The following NEU3 variants were observed in gnomAD, a reference collection of about 807,000 sequenced individuals.
NEU3 encodes the protein sialidase-3.
In NEU3, 10 loss-of-function variants were observed where a neutral mutation model predicts 11.4. That is an observed-to-expected ratio of 0.88 (90% CI 0.54 to 1.49). The LOEUF (loss-of-function observed/expected upper bound fraction) is 1.49. Among genes scored for constraint, NEU3 ranks in the 40% most tolerant of loss-of-function variants. The pLI, the probability that NEU3 is intolerant of heterozygous loss-of-function variation, is 0.00. For synonymous variants in NEU3, 212 were observed against 228.2 expected (o/e 0.93, Z 0.64); for missense variants, 529 against 581.8 (o/e 0.91, Z 0.93).
the NEU3 span, among the ~76,000 whole-genome samples, chr11:74,982,894 C>T: frequency 6.6e-6 from 1 of 152,088 alleles, no homozygotes; most frequent in Non-Finnish European, 1.5e-5. Context: ...CTTCCACCTC[C>T]TCCTTCCACC....
downstream of NEU3, among the ~76,000 whole-genome samples, chr11:75,019,597 C>G (rs554834879): frequency 3.2e-4 from 49 of 152,358 alleles, no homozygotes; most frequent in African/African-American, 1.2e-3. Flanking sequence ...AATGTGTGCA[C>G]AATGCATATG....
downstream of NEU3, among the ~76,000 whole-genome samples, chr11:75,019,934 C>T (rs907564911): frequency 3.9e-5 from 6 of 152,180 alleles, no homozygotes; most frequent in Non-Finnish European, 7.3e-5. Flanking sequence ...AGACACTCAA[C>T]GTCAGCTTGT....
At chr11:75,003,218 C>T (rs948525823) in intron 2 of NEU3, among the ~76,000 whole-genome samples, 1 of 152,158 alleles carries the variant, frequency 6.6e-6, no homozygotes, top group Admixed American at 6.5e-5. Context: ...GGTTCCATCT[C>T]AAATTACATG....
At chr11:74,990,570 G>C (rs1320132555) in intron 1 of NEU3, among the ~76,000 whole-genome samples, 1 of 152,110 alleles carries the variant, frequency 6.6e-6, no homozygotes, top group Non-Finnish European at 1.5e-5. Context: ...ATGTTGGCCA[G>C]GGTGGTCTCG....
At position 75,005,836 on chromosome 11, in the gene NEU3, A is replaced by C; in HGVS notation, c.730A>C (p.Thr244Pro). Residue 244 changes from threonine to proline, a missense_variant, in exon 3 of 3, where the codon ACA becomes CCA. Transcript: ENST00000294064. Reference sequence around the variant, plus strand: ...GATCTACAGTGATGACCTAGGGGTCACATGGCACCATGGTAGACTCATTAG... The same window carrying C: ...GATCTACAGTGATGACCTAGGGGTCCCATGGCACCATGGTAGACTCATTAG... ...LMIYSDDLGV[T>P]WHHGRLIRPM... The C allele has an allele frequency of 6.2e-7, 1 of 1,614,028 alleles. No homozygotes were observed. Among genetic ancestry groups the C allele is most frequent in the Non-Finnish European group, 8.5e-7 (1 of 1,179,886 alleles).
At chr11:75,014,542 A>C (rs979545079), downstream of NEU3, among the ~76,000 whole-genome samples, 12 of 152,224 alleles carry the variant, frequency 7.9e-5, no homozygotes, top group African/African-American at 2.9e-4. Context: ...TGAGCCCTGG[A>C]AAGATTGAGT....
At chr11:74,984,569 T>TAC (rs1463408554), upstream of NEU3, among the ~76,000 whole-genome samples, 2 of 152,190 alleles carry the variant, frequency 1.3e-5, no homozygotes, top group African/African-American at 4.8e-5. Context: ...GCCCCACTCC[T>TAC]ACTTCTGCCT....
At chr11:74,998,568 C>A (rs1243906383) in intron 2 of NEU3, among the ~76,000 whole-genome samples, 1 of 152,114 alleles carries the variant, frequency 6.6e-6, no homozygotes, top group Non-Finnish European at 1.5e-5. Flanking sequence ...CCTAACCTAC[C>A]CTGCTTTTTT....
intron 3 of NEU3, among the ~76,000 whole-genome samples, chr11:75,017,004 G>A (rs999614263): frequency 5.9e-5 from 9 of 152,212 alleles, no homozygotes; most frequent in Admixed American, 1.3e-4. Context: ...AAAGTGGAGA[G>A]TGAGGCTCCC....
In NEU3 at chr11:75,006,173, C is replaced by T. The variant is rs1213762134; in HGVS notation, c.1067C>T (p.Thr356Ile). Residue 356 changes from threonine (T) to isoleucine (I), a missense_variant, in exon 3 of 3, where the codon ACA becomes ATA. Transcript: ENST00000294064. The stretch of plus-strand genomic sequence containing the variant: ...CTGAGGCTGGAGGAGGAAGCTGGAA[C>T]ACCGTCAGAATCATGGCTCTTGTAC... ...SSLRLEEEAG[T>I]PSESWLLYSH... 1.2e-6 allele frequency: 2 copies of T among 1,614,036 alleles called. No homozygotes were observed. Among genetic ancestry groups the T allele is most frequent in the Non-Finnish European group, 1.7e-6 (2 of 1,179,892 alleles).
At chr11:75,017,705 G>A (rs1029391121) in intron 3 of NEU3, among the ~76,000 whole-genome samples, 1 of 152,124 alleles carries the variant, frequency 6.6e-6, no homozygotes, top group African/African-American at 2.4e-5. Context: ...CTGGGCCTGT[G>A]AGCCAGGCTG....
intron 1 of NEU3, among the ~76,000 whole-genome samples, chr11:74,992,012 A>G (rs1002043528): frequency 2.5e-4 from 38 of 152,242 alleles, no homozygotes; most frequent in Admixed American, 1.7e-3. Context: ...AGTGGTGTGG[A>G]GAATAGAACA....
chr11:74,990,060 G>A, intron 1 of NEU3: 1 of 700,688 alleles, frequency 1.4e-6, no homozygotes, highest in Non-Finnish European at 2.6e-6. Flanking sequence ...AAAAATTAAT[G>A]GCTCTAATTG....
At chr11:75,016,199 A>C (rs1253753696) in intron 3 of NEU3, among the ~76,000 whole-genome samples, 1 of 152,222 alleles carries the variant, frequency 6.6e-6, no homozygotes, top group Non-Finnish European at 1.5e-5. Context: ...GTGGGGCTTC[A>C]TTGTACCCAT....
At position 74,989,084 on chromosome 11, in the gene NEU3, G is replaced by A. The variant is rs756480483; in HGVS notation, c.24G>A (p.Pro8=). The A allele has an allele frequency of 1.2e-5, 19 of 1,550,712 alleles. No homozygotes were observed. In the Admixed American group the frequency reaches 2.4e-4, roughly 19 times the overall value. The change falls in exon 1 of 3, where the codon CCG becomes CCA. Residue 8 remains proline (P), a synonymous_variant. Coordinates refer to ENST00000294064, the MANE Select transcript of NEU3 (RefSeq NM_006656.6). ...GAATGAGACCTGCGGACCTGCCCCC[G>A]CGCCCCATGGAAGAATCCCCGGCGT... MRPADLP[P]RPMEESPASS...
chr11:75,015,214 T>G (rs968221886), downstream of NEU3, among the ~76,000 whole-genome samples: 1 of 152,164 alleles, frequency 6.6e-6, no homozygotes, highest in African/African-American at 2.4e-5. Context: ...CCGAAGAGGC[T>G]TGTTAGCCCC....
At chr11:75,018,949 G>C (rs745842564), downstream of NEU3, 5 of 154,656 alleles carry the variant, frequency 3.2e-5, no homozygotes, top group Non-Finnish European at 7.1e-5. Context: ...TGAGGAACTT[G>C]TTGGTAAATA....
chr11:74,989,333 C>T (rs190418416), intron 1 of NEU3, among the ~76,000 whole-genome samples, 179 bp downstream of exon 1: 1 of 152,310 alleles, frequency 6.6e-6, no homozygotes, highest in Admixed American at 6.5e-5. Context: ...TATTCGTTCT[C>T]ACAGAAGCCG....
At chr11:75,005,126 G>A (rs1484030044) in intron 2 of NEU3, among the ~76,000 whole-genome samples, 4 of 152,066 alleles carry the variant, frequency 2.6e-5, no homozygotes, top group Admixed American at 6.6e-5. Context: ...GCTTTATAAA[G>A]GAGGTGACTT....
Sources: allele counts gnomAD v4.1 joint callset (sites outside exome capture counted in the v4.1 genomes callset), GRCh38; gene constraint gnomAD v4.1.1; transcripts MANE v1.5; gene names NCBI Gene and HGNC (gene_info 2026-07-23, HGNC 2026-07-21).